Variants in CLDN14 observed in about 807,000 individuals in gnomAD.
The protein encoded by CLDN14 is claudin 14, also known as claudin-14.
CLDN14 carries 2 observed loss-of-function variants against 2.1 expected under a neutral mutation model. The observed-to-expected ratio is 0.96, with a 90% CI of 0.39 to 3.01. CLDN14 has a LOEUF of 3.01. Ranked by LOEUF, CLDN14 falls within the 30% of genes most tolerant of loss-of-function variation. CLDN14 has a pLI of 0.09. For missense variants in CLDN14, 298 were observed against 328.0 expected (o/e 0.91, Z 0.71); for synonymous variants, 136 against 154.4 (o/e 0.88, Z 0.88).
intron 1 of CLDN14, among the ~76,000 whole-genome samples, chr21:36,471,118 C>T (rs894250398): frequency 6.6e-6 from 1 of 152,088 alleles, no homozygotes; most frequent in Non-Finnish European, 1.5e-5. Flanking sequence ...CCTGTAATCT[C>T]AACATTTGGA....
chr21:36,515,374 T>G (rs1294334039), intron 1 of CLDN14, among the ~76,000 whole-genome samples: 9 of 152,032 alleles, frequency 5.9e-5, no homozygotes, highest in Non-Finnish European at 8.8e-5. Flanking sequence ...GATTCAGCCT[T>G]AAAAAAGTAA....
chr21:36,480,254 G>A (rs1009208766), upstream of CLDN14: 3 of 152,340 alleles, frequency 2.0e-5, no homozygotes, highest in African/African-American at 7.2e-5. Flanking sequence ...TGATTCGGAT[G>A]GTCTGTTGGT....
At chr21:36,486,107 C>G (rs2086892400) in intron 2 of CLDN14, 1 of 1,348,716 alleles carries the variant, frequency 7.4e-7, no homozygotes, top group Non-Finnish European at 1.1e-6. Flanking sequence ...CTCCAGGACA[C>G]TCTGAAGGAA....
At chr21:36,508,527 A>G (rs796604382) in intron 2 of CLDN14, among the ~76,000 whole-genome samples, 51 of 152,336 alleles carry the variant, frequency 3.3e-4, no homozygotes, top group African/African-American at 1.1e-3. Flanking sequence ...CAGTCCTTCT[A>G]TGTCATGGCC....
intron 1 of CLDN14, among the ~76,000 whole-genome samples, chr21:36,552,607 A>G (rs896185483): frequency 4.6e-5 from 7 of 152,208 alleles, no homozygotes; most frequent in African/African-American, 1.7e-4. Flanking sequence ...CAGAAAAATA[A>G]ACCTGATTTA....
intron 1 of CLDN14, among the ~76,000 whole-genome samples, chr21:36,478,086 A>G (rs1156372270): frequency 3.9e-5 from 6 of 152,226 alleles, no homozygotes; most frequent in African/African-American, 1.2e-4. Context: ...TAAAAACAAT[A>G]ATGGACATAT....
intron 1 of CLDN14, among the ~76,000 whole-genome samples, chr21:36,535,488 T>A (rs571995711): frequency 2.0e-5 from 3 of 152,084 alleles, no homozygotes; most frequent in Non-Finnish European, 2.9e-5. Flanking sequence ...GCTATAAAAT[T>A]AAGTGAGAAA....
chr21:36,466,456 A>G (rs889988257), intron 1 of CLDN14: 3 of 152,220 alleles, frequency 2.0e-5, no homozygotes, highest in African/African-American at 7.2e-5. Context: ...AGCAGGAAGG[A>G]GAAGAATGAG....
At chr21:36,478,325 C>T (rs1220517965) in intron 1 of CLDN14, among the ~76,000 whole-genome samples, 2 of 152,162 alleles carry the variant, frequency 1.3e-5, no homozygotes, top group East Asian at 1.9e-4. Flanking sequence ...TGGGGGCTGG[C>T]GCTGGCTTCA....
chr21:36,476,023 G>A (rs753525443), intron 1 of CLDN14, among the ~76,000 whole-genome samples: 42 of 152,108 alleles, frequency 2.8e-4, no homozygotes, highest in Non-Finnish European at 5.1e-4. Flanking sequence ...AGTCCAAAAC[G>A]GTTTAACAGA....
chr21:36,570,774 G>A (rs2087704002), intron 1 of CLDN14, among the ~76,000 whole-genome samples: 1 of 152,052 alleles, frequency 6.6e-6, no homozygotes, highest in African/African-American at 2.4e-5. Flanking sequence ...TTTTTACAAT[G>A]TAAAATAAAA....
intron 1 of CLDN14, among the ~76,000 whole-genome samples, chr21:36,549,267 T>TACACAC (rs10640000): frequency 2.7e-4 from 40 of 149,430 alleles, no homozygotes; most frequent in African/African-American, 6.4e-4. Flanking sequence ...ATGTGTGCAT[T>TACACAC]ACACACACAC....
intron 1 of CLDN14, among the ~76,000 whole-genome samples, chr21:36,477,200 C>T (rs2086789673): frequency 1.3e-5 from 2 of 152,220 alleles, no homozygotes; most frequent in Non-Finnish European, 2.9e-5. Context: ...TGTAACTGCA[C>T]AGATCATGTG....
chr21:36,461,863 A>C lies in CLDN14; in HGVS notation c.-81-87T>G, dbSNP rs553607941. 9 of 923,906 alleles carry C rather than the reference A, an allele frequency of 9.7e-6. No individual in the cohort carries two copies. In the East Asian group the frequency reaches 2.1e-4, roughly 22 times the overall value. The allele number at this position is 923,906 out of a possible 1,614,324, so 57.2% of individuals were successfully genotyped here. A position where few individuals can be genotyped will look rare whatever the true frequency, so the allele number is the denominator to read the frequency against. The stretch of plus-strand genomic sequence containing the variant: ...TGCACTTATTTCTGTCACCGAAACC[A>C]AGTTTTTCATAGGTGGTTGGTGTGG... On this transcript the variant is annotated intron_variant, in intron 1 of 1. Coordinates refer to ENST00000399135, the MANE Select transcript of CLDN14 (RefSeq NM_001146079.2).
chr21:36,506,897 T>A (rs1306778592), intron 2 of CLDN14, among the ~76,000 whole-genome samples: 1 of 152,144 alleles, frequency 6.6e-6, no homozygotes, highest in African/African-American at 2.4e-5. Flanking sequence ...GGCAGAAGGA[T>A]TCCTTGAGTC....
chr21:36,485,572 G>C (rs1258122437), intron 2 of CLDN14, among the ~76,000 whole-genome samples: 1 of 152,190 alleles, frequency 6.6e-6, no homozygotes, highest in African/African-American at 2.4e-5. Context: ...CTGAGTACAG[G>C]TTAATCAATA....
At chr21:36,545,880 C>T (rs950954589) in intron 1 of CLDN14, among the ~76,000 whole-genome samples, 66 of 152,064 alleles carry the variant, frequency 4.3e-4, no homozygotes, top group South Asian at 2.1e-4. Flanking sequence ...TCTGCCCAGG[C>T]GGGAGGAGGC....
intron 2 of CLDN14, chr21:36,485,816 A>C: frequency 2.5e-6 from 1 of 399,270 alleles, no homozygotes; most frequent in Non-Finnish European, 4.5e-6. Context: ...ATGAAAGATC[A>C]GATATAAACC....
intron 1 of CLDN14, among the ~76,000 whole-genome samples, chr21:36,521,750 A>T (rs989911258): frequency 1.3e-5 from 2 of 152,182 alleles, no homozygotes; most frequent in African/African-American, 4.8e-5. Flanking sequence ...TGATGCAGAG[A>T]TAACATTGGC....
Sources: gnomAD v4.1 joint callset for allele counts (sites outside exome capture counted in the v4.1 genomes callset) on GRCh38, gnomAD v4.1.1 for gene constraint, MANE v1.5 for transcripts, NCBI Gene and HGNC (gene_info 2026-07-23, HGNC 2026-07-21) for gene names.